Variants in ELOVL6 observed in about 807,000 individuals in gnomAD.
ELOVL6 encodes very long chain fatty acid elongase 6.
ELOVL6 carries 8 observed loss-of-function variants against 31.7 expected under a neutral mutation model. That is an observed-to-expected ratio of 0.25 (90% CI 0.15 to 0.45). ELOVL6 has a LOEUF of 0.45. ELOVL6 is among the 20% of genes least tolerant of loss of function. The probability of loss-of-function intolerance (pLI) is 1.00; values close to 1 mark genes in which losing one functional copy is unlikely to be tolerated. For synonymous variants in ELOVL6, 101 were observed against 117.7 expected (o/e 0.86, Z 0.92); for missense variants, 126 against 326.4 (o/e 0.39, Z 4.73).
Position 110,118,427 on chromosome 4 carries a change from C to A in ELOVL6, c.90-12799G>T, listed in dbSNP as rs559550916. Among the ~76,000 whole-genome samples, 343 of 152,232 alleles carry A rather than the reference C, an allele frequency of 2.3e-3. 1 individual carries two copies. The highest frequency in any genetic ancestry group is 7.8e-3 in the African/African-American group (326 of 41,538). ...CATGATAACCAATATTAACTTCACC[C>A]AGTATGGGACAATGTTACCACTATT... On this transcript the variant is annotated intron_variant, in intron 1 of 3. Transcript: ENST00000302274.
intron 2 of ELOVL6, among the ~76,000 whole-genome samples, chr4:110,073,197 C>A (rs1032301583): frequency 6.6e-6 from 1 of 152,134 alleles, no homozygotes; most frequent in African/African-American, 2.4e-5. Context: ...CATCTCCATA[C>A]CACACGTGCC....
intron 1 of ELOVL6, among the ~76,000 whole-genome samples, chr4:110,151,684 T>C (rs779090955): frequency 2.0e-5 from 3 of 152,224 alleles, no homozygotes; most frequent in Non-Finnish European, 2.9e-5. Flanking sequence ...TTGTGGGCCA[T>C]AAAGAAGTCT....
At chr4:110,054,335 C>T (rs915594717) in intron 3 of ELOVL6, among the ~76,000 whole-genome samples, 2 of 152,108 alleles carry the variant, frequency 1.3e-5, no homozygotes, top group African/African-American at 4.8e-5. Context: ...CAGTGTTAAA[C>T]TGTGCTATTT....
rs545646752 is a variant in ELOVL6 at position 110,084,688 on chromosome 4, G to A, written c.221+20809C>T. Reference sequence around the variant, plus strand: ...CGGCTCACTGCAACCTCCACCTCCCGAGTTCAAGCAATTTTCCTGCCTCAG... The same window carrying A: ...CGGCTCACTGCAACCTCCACCTCCCAAGTTCAAGCAATTTTCCTGCCTCAG... On this transcript the variant is annotated intron_variant, in intron 2 of 3. Transcript: ENST00000302274. Among the ~76,000 whole-genome samples, 386 of 138,692 alleles carry A rather than the reference G, an allele frequency of 2.8e-3. 3 individuals carry two copies. Among genetic ancestry groups the A allele is most frequent in the African/African-American group, 9.1e-3 (331 of 36,372 alleles). The allele number at this position is 138,692 out of a possible 152,430, so 91.0% of individuals were successfully genotyped here. A position where few individuals can be genotyped will look rare whatever the true frequency, so the allele number is the denominator to read the frequency against.
chr4:110,080,972 T>A (rs577402079), intron 2 of ELOVL6, among the ~76,000 whole-genome samples: 213 of 152,232 alleles, frequency 1.4e-3, no homozygotes, highest in African/African-American at 4.0e-3. Context: ...AGCCAAATCA[T>A]GAGTGAACTC....
At chr4:110,165,605 T>A (rs1758753029) in intron 1 of ELOVL6, among the ~76,000 whole-genome samples, 1 of 152,194 alleles carries the variant, frequency 6.6e-6, no homozygotes, top group Non-Finnish European at 1.5e-5. Flanking sequence ...GTGGCTGTGG[T>A]AGGCAGGAAG....
At chr4:110,169,952 G>A (rs1428004166) in intron 1 of ELOVL6, among the ~76,000 whole-genome samples, 2 of 151,626 alleles carry the variant, frequency 1.3e-5, no homozygotes, top group African/African-American at 4.8e-5. Flanking sequence ...CTAAAGGCGT[G>A]TGACACCACA....
chr4:110,090,755 C>T (rs955009687), intron 2 of ELOVL6, among the ~76,000 whole-genome samples: 2 of 152,030 alleles, frequency 1.3e-5, no homozygotes, highest in African/African-American at 4.8e-5. Context: ...CAGGTGTGCA[C>T]CACCATGCCC....
At chr4:110,071,214 A>G (rs191139420) in intron 2 of ELOVL6, among the ~76,000 whole-genome samples, 16 of 152,316 alleles carry the variant, frequency 1.1e-4, no homozygotes, top group Admixed American at 1.0e-3. Flanking sequence ...TCATTAACCT[A>G]AAGATCCATT....
intron 1 of ELOVL6, among the ~76,000 whole-genome samples, chr4:110,152,947 G>A (rs1157337703): frequency 1.3e-5 from 2 of 152,154 alleles, no homozygotes; most frequent in Non-Finnish European, 2.9e-5. Context: ...TCAAAAGGAG[G>A]ATGCCAAACC....
chr4:110,168,480 T>C (rs1439704940), intron 1 of ELOVL6, among the ~76,000 whole-genome samples: 2 of 151,876 alleles, frequency 1.3e-5, no homozygotes, highest in Admixed American at 1.3e-4. Context: ...GATCGTGCCA[T>C]TGTACTCCAG....
chr4:110,060,008 T>C, intron 2 of ELOVL6: 1 of 342,724 alleles, frequency 2.9e-6, no homozygotes, highest in South Asian at 7.3e-5. Context: ...TGAAAAAGGG[T>C]AACAGATTCA....
chr4:110,055,077 G>T (rs1198123748), intron 3 of ELOVL6, among the ~76,000 whole-genome samples: 1 of 152,126 alleles, frequency 6.6e-6, no homozygotes, highest in African/African-American at 2.4e-5. Flanking sequence ...CCTCAGGCAG[G>T]GGGAAACTGG....
intron 2 of ELOVL6, among the ~76,000 whole-genome samples, chr4:110,082,807 C>T (rs988061486): frequency 6.6e-6 from 1 of 152,210 alleles, no homozygotes; most frequent in African/African-American, 2.4e-5. Flanking sequence ...CACAGCGCAT[C>T]CCTGTCAAGG....
chr4:110,195,788 G>A (rs918898041), intron 1 of ELOVL6, among the ~76,000 whole-genome samples: 2 of 152,124 alleles, frequency 1.3e-5, no homozygotes, highest in Admixed American at 1.3e-4. Context: ...CAACTCACTG[G>A]ACATTTTCTC....
intron 1 of ELOVL6, among the ~76,000 whole-genome samples, chr4:110,185,302 T>TCCTTAA (rs1309252072): frequency 6.6e-6 from 1 of 152,214 alleles, no homozygotes; most frequent in East Asian, 1.9e-4. Context: ...GATAACAGTG[T>TCCTTAA]CCTTAAATTT....
rs1553958739 is a variant in ELOVL6 at position 110,117,903 on chromosome 4, A to ATATATATATAT, written c.90-12276_90-12275insATATATATATA. 3.1e-4 allele frequency: 2 copies of ATATATATATAT among 6,502 alleles called. 1 individual carries two copies. The allele number at this position is 6,502 out of a possible 1,614,324, so 0.4% of individuals were successfully genotyped here. A position where few individuals can be genotyped will look rare whatever the true frequency, so the allele number is the denominator to read the frequency against. ...TCTCAAAAAAAAAAAAAAAAAAAAA[A>ATATATATATAT]ATATATATATATATATATATATCTC... On this transcript the variant is annotated intron_variant, in intron 1 of 3. Transcript: ENST00000302274.
chr4:110,136,310 G>A (rs1482936935), intron 1 of ELOVL6, among the ~76,000 whole-genome samples: 1 of 152,184 alleles, frequency 6.6e-6, no homozygotes, highest in Non-Finnish European at 1.5e-5. Flanking sequence ...AGTGTTTAAA[G>A]GCTGTGCTGA....
At chr4:110,100,594 CTG>C (rs1756713616) in intron 2 of ELOVL6, among the ~76,000 whole-genome samples, 1 of 152,142 alleles carries the variant, frequency 6.6e-6, no homozygotes, top group African/African-American at 2.4e-5. Context: ...AACTGGGTCC[CTG>C]GCTACAGTTA....
Sources: gnomAD v4.1 joint callset for allele counts (sites outside exome capture counted in the v4.1 genomes callset) on GRCh38, gnomAD v4.1.1 for gene constraint, MANE v1.5 for transcripts, NCBI Gene and HGNC (gene_info 2026-07-23, HGNC 2026-07-21) for gene names.